Variants in TTC39B observed in about 807,000 individuals in gnomAD.
The protein encoded by TTC39B is tetratricopeptide repeat protein 39B.
In TTC39B, 92 loss-of-function variants were observed where a neutral mutation model predicts 96.6. The ratio of observed to expected loss-of-function variants is 0.95; its 90% CI spans 0.80 to 1.13. The LOEUF is 1.13. TTC39B is among the 50% of genes most tolerant of loss of function. The pLI is 0.00. For missense variants in TTC39B, 955 were observed against 809.3 expected (o/e 1.18, Z -2.18); for synonymous variants, 367 against 299.4 (o/e 1.23, Z -2.33).
intron 6 of TTC39B, among the ~76,000 whole-genome samples, chr9:15,204,362 C>G (rs1819722785): frequency 6.6e-6 from 1 of 152,004 alleles, no homozygotes; most frequent in African/African-American, 2.4e-5. Flanking sequence ...AACCCCATCT[C>G]TACTAAAAAT....
intron 16 of TTC39B, among the ~76,000 whole-genome samples, chr9:15,184,616 C>G (rs1272581612): frequency 6.6e-6 from 1 of 152,132 alleles, no homozygotes; most frequent in Non-Finnish European, 1.5e-5. Flanking sequence ...TTCACAGAAG[C>G]CTTGCCTAAA....
chr9:15,207,022 T>G (rs904665611), intron 6 of TTC39B, among the ~76,000 whole-genome samples: 2 of 152,176 alleles, frequency 1.3e-5, no homozygotes, highest in African/African-American at 4.8e-5. Flanking sequence ...TTTGACAAGT[T>G]CCTCCTACAC....
At chr9:15,163,673 A>G (rs1817471392) in exon 20 of TTC39B, 1 of 152,208 alleles carries the variant, frequency 6.6e-6, no homozygotes, top group Non-Finnish European at 1.5e-5. Context: ...TGTTAAGTAA[A>G]CCAGTTGTAG....
At chr9:15,284,610 G>A (rs1823888792) in intron 1 of TTC39B, among the ~76,000 whole-genome samples, 1 of 152,098 alleles carries the variant, frequency 6.6e-6, no homozygotes, top group Non-Finnish European at 1.5e-5. Flanking sequence ...AAGGTGTAGG[G>A]TACAAAATCC....
chr9:15,233,665 G>A (rs528301772), intron 2 of TTC39B, among the ~76,000 whole-genome samples: 2 of 152,184 alleles, frequency 1.3e-5, no homozygotes, highest in African/African-American at 2.4e-5. Flanking sequence ...GTGCTCAATG[G>A]TGCCCAGGCT....
intron 2 of TTC39B, among the ~76,000 whole-genome samples, chr9:15,228,959 C>T (rs579969): frequency 0.57 from 87,148 of 151,996 alleles, 26,750 homozygotes; most frequent in African/African-American, 0.8. Flanking sequence ...CACATGTACA[C>T]GAATTCATGG....
At chr9:15,169,788 T>C (rs1381401179) in exon 20 of TTC39B, 1 of 152,186 alleles carries the variant, frequency 6.6e-6, no homozygotes, top group Non-Finnish European at 1.5e-5. Flanking sequence ...AAAAAGATTT[T>C]TAAATGGAGA....
In TTC39B at chr9:15,185,515, C is replaced by G. The variant is rs568420051; in HGVS notation, c.1488-109G>C. ...CACAGACCACCAGCAGCAGCAGCAG[C>G]ATCACCTGGGAACCTATTTGAAATG... is the stretch of plus-strand genomic sequence containing the variant. On this transcript the variant is annotated intron_variant, in intron 15 of 19. Transcript: ENST00000512701. 3 of 1,526,728 alleles carry G rather than the reference C, an allele frequency of 2.0e-6. No homozygotes were observed. The African/African-American group carries it at 4.2e-5, about 21-fold the overall frequency. 94.6% of individuals were successfully genotyped at this position (1,526,728 alleles called of 1,614,324 possible). A position where few individuals can be genotyped will look rare whatever the true frequency, so the allele number is the denominator to read the frequency against.
chr9:15,253,600 T>C (rs1822643852), intron 2 of TTC39B, among the ~76,000 whole-genome samples: 1 of 152,246 alleles, frequency 6.6e-6, no homozygotes, highest in African/African-American at 2.4e-5. Flanking sequence ...AGGAAATTAA[T>C]GTAGCAGCCT....
chr9:15,207,538 A>T (rs1182413868), intron 6 of TTC39B, among the ~76,000 whole-genome samples: 1 of 152,170 alleles, frequency 6.6e-6, no homozygotes, highest in African/African-American at 2.4e-5. Context: ...GGAAAGGCAG[A>T]TGATCAGTTA....
chr9:15,232,763 G>A (rs1248385830), intron 2 of TTC39B, among the ~76,000 whole-genome samples: 1 of 152,194 alleles, frequency 6.6e-6, no homozygotes, highest in Non-Finnish European at 1.5e-5. Context: ...GGGGAGGTTG[G>A]GCCCTCGAAG....
exon 19 of TTC39B, chr9:15,175,120 C>T (rs1274165125): frequency 1.7e-5 from 28 of 1,611,982 alleles, no homozygotes; most frequent in Non-Finnish European, 2.3e-5. Context: ...AGTGGTCATA[C>T]TTCAGTAGCT....
At chr9:15,300,314 T>G (rs1463159124) in intron 1 of TTC39B, among the ~76,000 whole-genome samples, 1 of 152,098 alleles carries the variant, frequency 6.6e-6, no homozygotes, top group Non-Finnish European at 1.5e-5. Context: ...AACCCAGAAT[T>G]ATTACTCAAT....
intron 13 of TTC39B, among the ~76,000 whole-genome samples, chr9:15,188,447 T>G (rs572709612): frequency 5.9e-5 from 9 of 152,278 alleles, no homozygotes; most frequent in African/African-American, 1.9e-4. Flanking sequence ...GACAAAACAC[T>G]GTAGGCAGAG....
At position 15,218,929 on chromosome 9, in the gene TTC39B, G is replaced by T. The variant is rs546267163; in HGVS notation, c.372-4680C>A. 1.3e-5 allele frequency among the ~76,000 whole-genome samples: 2 copies of T among 151,934 alleles called. 1 individual carries two copies. Among genetic ancestry groups the T allele is most frequent in the South Asian group, 4.1e-4 (2 of 4,828 alleles). On this transcript the variant is annotated intron_variant, in intron 3 of 19. Transcript: ENST00000512701. ...GCCATTTTCTATTACTTTTCTGGAG[G>T]TTTTGTCTCTTTCCTCTAGCAATCA... is the stretch of plus-strand genomic sequence containing the variant.
At chr9:15,302,620 G>A (rs930026295) in intron 1 of TTC39B, among the ~76,000 whole-genome samples, 1 of 150,746 alleles carries the variant, frequency 6.6e-6, no homozygotes, top group African/African-American at 2.4e-5. Context: ...GAGGTAGGTG[G>A]ATCACCTGAG....
chr9:15,273,764 T>C (rs1435447626), intron 1 of TTC39B, among the ~76,000 whole-genome samples: 6 of 152,176 alleles, frequency 3.9e-5, no homozygotes, highest in Non-Finnish European at 7.3e-5. Flanking sequence ...TTTGGTATCA[T>C]GGACTCAAAG....
chr9:15,230,282 C>A (rs1190660944), intron 2 of TTC39B, among the ~76,000 whole-genome samples: 3 of 152,142 alleles, frequency 2.0e-5, no homozygotes, highest in African/African-American at 7.2e-5. Flanking sequence ...TTAATGTTTA[C>A]AATCAATGGT....
At chr9:15,294,793 T>C (rs1824311306) in intron 1 of TTC39B, among the ~76,000 whole-genome samples, 1 of 152,254 alleles carries the variant, frequency 6.6e-6, no homozygotes, top group African/African-American at 2.4e-5. Context: ...ACACAATGCC[T>C]GTGAGCAGCC....
Sources: gnomAD v4.1 joint callset for allele counts (sites outside exome capture counted in the v4.1 genomes callset) on GRCh38, gnomAD v4.1.1 for gene constraint, MANE v1.5 for transcripts, NCBI Gene and HGNC (gene_info 2026-07-23, HGNC 2026-07-21) for gene names.